The following CSMD1 variants were observed in gnomAD, a reference collection of about 807,000 sequenced individuals.
CSMD1 encodes CUB and sushi domain-containing protein 1.
CSMD1 carries 213 observed loss-of-function variants against 417.5 expected under a neutral mutation model. The ratio of observed to expected loss-of-function variants is 0.51; its 90% CI spans 0.46 to 0.57. CSMD1 has a LOEUF of 0.57. CSMD1 is among the 20% of genes least tolerant of loss of function. The pLI is 0.00. For synonymous variants in CSMD1, 2,862 were observed against 1,736.8 expected, an observed-to-expected ratio of 1.65 and a Z score of -16.11; for missense variants, 6,923 against 4,529.7, an observed-to-expected ratio of 1.53 and a Z score of -15.17.
chr8:3,362,618 T>C lies in CSMD1; in HGVS notation c.3116-3278A>G, dbSNP rs1809271481. Among the ~76,000 whole-genome samples, 3 of 152,166 alleles carry C rather than the reference T, an allele frequency of 2.0e-5. No individual in the cohort carries two copies. In the South Asian group the frequency reaches 6.2e-4, roughly 31 times the overall value. The stretch of plus-strand genomic sequence containing the variant: ...CTTTTTCTTTAATATGATCCTGTTA[T>C]ATGAACTGAAGACTCTTGTCAATCA... On this transcript the variant is annotated intron_variant, in intron 20 of 69. Transcript: ENST00000635120.
chr8:3,925,277 G>T (rs991342240), intron 5 of CSMD1, among the ~76,000 whole-genome samples: 31 of 152,192 alleles, frequency 2.0e-4, no homozygotes, highest in African/African-American at 6.8e-4. Context: ...TTCAGCGATT[G>T]CTACAATAAC....
rs544853897 is a variant in CSMD1 at position 4,056,427 on chromosome 8, C to T, written c.416-24328G>A. Among the ~76,000 whole-genome samples, 2 of 150,838 alleles carry T rather than the reference C, an allele frequency of 1.3e-5. 1 individual carries two copies. The highest frequency in any genetic ancestry group is 4.2e-4 in the South Asian group (2 of 4,770). ...TTTTTTCTTTTTTTTTTGTTTGTGC[C>T]AAACTAACATTAAAATTTATTTATG... On this transcript the variant is annotated intron_variant, in intron 3 of 69. Coordinates refer to ENST00000635120, the MANE Select transcript of CSMD1 (RefSeq NM_033225.6).
chr8:4,099,749 C>A (rs573122563), intron 3 of CSMD1, among the ~76,000 whole-genome samples: 1 of 152,196 alleles, frequency 6.6e-6, no homozygotes, highest in South Asian at 2.1e-4. Flanking sequence ...AAACTAGAAC[C>A]TCTTCCTGAG....
intron 1 of CSMD1, among the ~76,000 whole-genome samples, chr8:4,809,607 C>T (rs1370296459): frequency 6.6e-6 from 1 of 152,162 alleles, no homozygotes; most frequent in Non-Finnish European, 1.5e-5. Flanking sequence ...TAAAGCTGTG[C>T]TCTCCAGTAG....
At chr8:3,767,550 C>A (rs1798345556) in intron 5 of CSMD1, among the ~76,000 whole-genome samples, 2 of 152,192 alleles carry the variant, frequency 1.3e-5, no homozygotes, top group Admixed American at 1.3e-4. Flanking sequence ...CCCATAACAT[C>A]CAAAGCTGAT....
chr8:4,955,410 G>A (rs933698531), intron 1 of CSMD1, among the ~76,000 whole-genome samples: 1 of 151,096 alleles, frequency 6.6e-6, no homozygotes, highest in Admixed American at 6.6e-5. Flanking sequence ...GATGCCTACT[G>A]TGTCTGTTTG....
chr8:4,934,304 T>C (rs868172709), intron 1 of CSMD1, among the ~76,000 whole-genome samples: 1 of 152,208 alleles, frequency 6.6e-6, no homozygotes, highest in Non-Finnish European at 1.5e-5. Flanking sequence ...CAGTTGTCCA[T>C]ATCAACATCA....
chr8:4,513,719 A>G (rs747183435), intron 2 of CSMD1, among the ~76,000 whole-genome samples: 9 of 152,234 alleles, frequency 5.9e-5, no homozygotes, highest in Admixed American at 3.3e-4. Flanking sequence ...GTCCACAGAT[A>G]CACACACATA....
At chr8:3,930,730 A>C (rs931040016) in intron 5 of CSMD1, among the ~76,000 whole-genome samples, 4 of 150,542 alleles carry the variant, frequency 2.7e-5, no homozygotes, top group African/African-American at 9.8e-5. Context: ...TTGTGAGGAA[A>C]TTAAATTTAT....
chr8:3,713,963 A>G (rs1250506829), intron 6 of CSMD1, among the ~76,000 whole-genome samples: 9 of 152,216 alleles, frequency 5.9e-5, no homozygotes, highest in East Asian at 3.9e-4. Flanking sequence ...AATATTTACT[A>G]CTATTGGTAG....
At chr8:2,962,824 G>C (rs1026557050) in intron 60 of CSMD1, among the ~76,000 whole-genome samples, 185 bp from the exon 61 acceptor site, 1 of 152,190 alleles carries the variant, frequency 6.6e-6, no homozygotes, top group Non-Finnish European at 1.5e-5. Context: ...AGAGGCAGGC[G>C]GATCGCTTGA....
chr8:4,807,934 T>G (rs923843096), intron 1 of CSMD1, among the ~76,000 whole-genome samples: 1 of 152,214 alleles, frequency 6.6e-6, no homozygotes, highest in African/African-American at 2.4e-5. Flanking sequence ...CTTTTCTAAA[T>G]TCAATAAAGC....
chr8:3,503,701 C>A (rs1185371515), intron 10 of CSMD1, among the ~76,000 whole-genome samples: 2 of 152,266 alleles, frequency 1.3e-5, no homozygotes, highest in South Asian at 4.2e-4. Flanking sequence ...GCTGGATGTC[C>A]CCCATCCACT....
chr8:4,242,336 A>T (rs562500277), intron 3 of CSMD1, among the ~76,000 whole-genome samples: 1 of 152,284 alleles, frequency 6.6e-6, no homozygotes, highest in South Asian at 2.1e-4. Context: ...GTAAACATGA[A>T]AATTTGCAAC....
chr8:3,089,232 C>T (rs1161870880), intron 48 of CSMD1, among the ~76,000 whole-genome samples: 1 of 152,222 alleles, frequency 6.6e-6, no homozygotes, highest in African/African-American at 2.4e-5. Context: ...AATGAAAAGT[C>T]TAATGGGTAC....
intron 21 of CSMD1, among the ~76,000 whole-genome samples, chr8:3,356,845 A>G (rs1055866843): frequency 2.6e-5 from 4 of 152,056 alleles, no homozygotes; most frequent in African/African-American, 7.2e-5. Context: ...GGAATGAGGG[A>G]CTCTGATCCA....
chr8:4,560,424 G>A (rs1798277509), intron 2 of CSMD1, among the ~76,000 whole-genome samples: 3 of 152,186 alleles, frequency 2.0e-5, no homozygotes, highest in South Asian at 4.1e-4. Flanking sequence ...GATCATGTCT[G>A]ATGGGCTTAG....
At chr8:4,964,535 G>A (rs1363290398) in intron 1 of CSMD1, among the ~76,000 whole-genome samples, 10 of 134,254 alleles carry the variant, frequency 7.4e-5, no homozygotes, top group South Asian at 2.4e-4. Flanking sequence ...AGGAAGGAAG[G>A]AAGGAAAAAA....
chr8:4,789,808 T>C (rs1018108438), intron 1 of CSMD1, among the ~76,000 whole-genome samples: 17 of 152,218 alleles, frequency 1.1e-4, no homozygotes, highest in Non-Finnish European at 1.5e-5. Context: ...GCCATTTTGG[T>C]TCTTGCTATT....
Sources: allele counts gnomAD v4.1 joint callset (sites outside exome capture counted in the v4.1 genomes callset), GRCh38; gene constraint gnomAD v4.1.1; transcripts MANE v1.5; gene names NCBI Gene and HGNC (gene_info 2026-07-23, HGNC 2026-07-21).